The following ELMO1 variants were observed in gnomAD, a reference collection of about 807,000 sequenced individuals.
ELMO1 encodes engulfment and cell motility 1.
Under a neutral mutation model 98.9 loss-of-function variants are expected in ELMO1, and 26 were observed. The ratio of observed to expected loss-of-function variants is 0.26; its 90% CI spans 0.19 to 0.36. The LOEUF is 0.36. Among genes scored for constraint, ELMO1 ranks in the 10% least tolerant of loss-of-function variants. The probability of loss-of-function intolerance (pLI) is 1.00; values close to 1 mark genes in which losing one functional copy is unlikely to be tolerated. For missense variants in ELMO1, 627 were observed against 935.2 expected, an observed-to-expected ratio of 0.67 and a Z score of 4.30; for synonymous variants, 346 against 346.0, an observed-to-expected ratio of 1.00 and a Z score of 0.00.
At chr7:37,237,755 T>G (rs987837913) in intron 7 of ELMO1, among the ~76,000 whole-genome samples, 1 of 152,212 alleles carries the variant, frequency 6.6e-6, no homozygotes, top group African/African-American at 2.4e-5. Flanking sequence ...GTATATACAT[T>G]GAAAGGTATG....
intron 15 of ELMO1, among the ~76,000 whole-genome samples, chr7:37,055,607 C>T (rs1441590865): frequency 6.6e-6 from 1 of 152,178 alleles, no homozygotes; most frequent in African/African-American, 2.4e-5. Context: ...AGGATGTTAG[C>T]TCCAGCCCTC....
At chr7:37,129,028 T>C (rs1279593886) in intron 14 of ELMO1, among the ~76,000 whole-genome samples, 1 of 152,022 alleles carries the variant, frequency 6.6e-6, no homozygotes, top group Non-Finnish European at 1.5e-5. Context: ...ATGAGGGCTG[T>C]CCAACAGGCA....
In ELMO1 at chr7:37,278,487, C is replaced by T. The variant is rs558385541; in HGVS notation, c.193-6605G>A. Among the ~76,000 whole-genome samples, 4 of 152,100 alleles carry T rather than the reference C, an allele frequency of 2.6e-5. No homozygotes were observed. The South Asian group carries it at 8.3e-4, about 32-fold the overall frequency. On this transcript the variant is annotated intron_variant, in intron 4 of 21. Coordinates refer to ENST00000310758, the MANE Select transcript of ELMO1 (RefSeq NM_014800.11). ...TCCCACTACTGCACTCCAGCCTAGG[C>T]AACAGAGCAAGACCCTGTCTCTTCA...
chr7:37,155,582 A>G (rs1450361845), intron 13 of ELMO1, among the ~76,000 whole-genome samples: 2 of 152,076 alleles, frequency 1.3e-5, no homozygotes, highest in African/African-American at 4.8e-5. Flanking sequence ...AAAGAATGCC[A>G]TTACATAATG....
intron 14 of ELMO1, among the ~76,000 whole-genome samples, chr7:37,110,541 C>A (rs771201616): frequency 4.6e-5 from 7 of 152,176 alleles, no homozygotes; most frequent in African/African-American, 4.8e-5. Context: ...AACAAACCTG[C>A]ATGTTCTGCA....
intron 13 of ELMO1, among the ~76,000 whole-genome samples, chr7:37,174,282 C>T (rs754453565): frequency 9.2e-5 from 14 of 152,288 alleles, no homozygotes; most frequent in Admixed American, 3.3e-4. Context: ...AAGAAAAGGA[C>T]GAGATTCACT....
At chr7:37,217,970 G>A (rs1357520135) in intron 10 of ELMO1, among the ~76,000 whole-genome samples, 1 of 152,168 alleles carries the variant, frequency 6.6e-6, no homozygotes, top group African/African-American at 2.4e-5. Flanking sequence ...TTGAAAACAA[G>A]AAAGCAGGAG....
chr7:37,004,982 G>A (rs1020356560), intron 16 of ELMO1, among the ~76,000 whole-genome samples: 6 of 151,408 alleles, frequency 4.0e-5, no homozygotes, highest in African/African-American at 1.5e-4. Context: ...GGTGGTGCGT[G>A]CCTGTAATCC....
chr7:37,231,344 AAGC>A (rs1584846068), intron 8 of ELMO1, among the ~76,000 whole-genome samples: 2 of 151,736 alleles, frequency 1.3e-5, no homozygotes, highest in African/African-American at 2.4e-5. Flanking sequence ...AAAAAAAAAA[AAGC>A]AGCACGTTTA....
chr7:36,896,520 T>C (rs73689682), intron 16 of ELMO1, among the ~76,000 whole-genome samples: 4,152 of 152,306 alleles, frequency 0.027, 108 homozygotes, highest in African/African-American at 0.057. Context: ...GGAATGGAAA[T>C]AGACAGATAA....
chr7:36,934,872 G>A (rs1786377501), intron 16 of ELMO1, among the ~76,000 whole-genome samples: 1 of 152,218 alleles, frequency 6.6e-6, no homozygotes, highest in Non-Finnish European at 1.5e-5. Context: ...CTAAGCCGAG[G>A]AAGCTTGTTC....
At chr7:37,349,430 G>A (rs1394531154) in intron 1 of ELMO1, among the ~76,000 whole-genome samples, 1 of 152,118 alleles carries the variant, frequency 6.6e-6, no homozygotes, top group Non-Finnish European at 1.5e-5. Context: ...CTGTCTTCCT[G>A]GAGCCCTCTA....
chr7:37,405,084 G>A (rs1055083672), intron 1 of ELMO1, among the ~76,000 whole-genome samples: 4 of 152,148 alleles, frequency 2.6e-5, no homozygotes, highest in East Asian at 1.9e-4. Context: ...GTGGGCCACC[G>A]GCACTGGGGG....
chr7:36,931,642 C>A (rs949719589), intron 16 of ELMO1, among the ~76,000 whole-genome samples: 2 of 152,242 alleles, frequency 1.3e-5, no homozygotes, highest in African/African-American at 4.8e-5. Flanking sequence ...AATCACCACA[C>A]TAATATAGAC....
chr7:37,346,989 G>A (rs546797482), intron 1 of ELMO1, among the ~76,000 whole-genome samples: 12 of 152,292 alleles, frequency 7.9e-5, no homozygotes, highest in Non-Finnish European at 1.2e-4. Flanking sequence ...GAGAGCAAAG[G>A]AGCAAGGAGG....
chr7:36,936,420 T>TAAC (rs1786535762), intron 16 of ELMO1, among the ~76,000 whole-genome samples: 1 of 152,182 alleles, frequency 6.6e-6, no homozygotes, highest in Admixed American at 6.5e-5. Flanking sequence ...TAGTCTGGCT[T>TAAC]CTAGTTAAAG....
At chr7:36,892,712 T>A (rs905734936) in intron 17 of ELMO1, among the ~76,000 whole-genome samples, 1 of 152,144 alleles carries the variant, frequency 6.6e-6, no homozygotes, top group East Asian at 1.9e-4. Context: ...AGGCAAAACA[T>A]ATCGCAGCTA....
At chr7:37,257,298 A>T (rs1322044920) in intron 6 of ELMO1, among the ~76,000 whole-genome samples, 1 of 152,160 alleles carries the variant, frequency 6.6e-6, no homozygotes, top group Non-Finnish European at 1.5e-5. Flanking sequence ...CTGAGATTTA[A>T]TGGGTTCCAG....
At chr7:37,266,853 A>C (rs1267887137) in intron 5 of ELMO1, among the ~76,000 whole-genome samples, 1 of 151,936 alleles carries the variant, frequency 6.6e-6, no homozygotes, top group Admixed American at 6.6e-5. Context: ...TCTCTACTAA[A>C]AATACAAAAA....
Sources: allele counts gnomAD v4.1 joint callset (sites outside exome capture counted in the v4.1 genomes callset), GRCh38; gene constraint gnomAD v4.1.1; transcripts MANE v1.5; gene names NCBI Gene and HGNC (gene_info 2026-07-23, HGNC 2026-07-21).